The following GRIA1 variants were observed in gnomAD, a reference collection of about 807,000 sequenced individuals.
GRIA1 encodes the protein glutamate ionotropic receptor AMPA type subunit 1.
A neutral mutation model predicts 99.2 loss-of-function variants in GRIA1; 31 were observed. That is an observed-to-expected ratio of 0.31 (90% confidence interval 0.23 to 0.42). The LOEUF (loss-of-function observed/expected upper bound fraction) is 0.42. GRIA1 is among the 10% of genes least tolerant of loss of function. GRIA1 has a pLI of 1.00. For missense variants in GRIA1, 782 were observed against 1,157.5 expected, an observed-to-expected ratio of 0.68 and a Z score of 4.71; for synonymous variants, 438 against 432.4, an observed-to-expected ratio of 1.01 and a Z score of -0.16.
intron 11 of GRIA1, among the ~76,000 whole-genome samples, chr5:153,713,848 T>G (rs1050022487): frequency 6.6e-6 from 1 of 152,222 alleles, no homozygotes; most frequent in Non-Finnish European, 1.5e-5. Flanking sequence ...ATTCATTTAT[T>G]TATTCATTAA....
chr5:153,605,490 G>C (rs949903625), intron 2 of GRIA1, among the ~76,000 whole-genome samples: 6 of 152,146 alleles, frequency 3.9e-5, no homozygotes, highest in Non-Finnish European at 7.3e-5. Context: ...GTGCACATGT[G>C]CACATATTTT....
intron 2 of GRIA1, among the ~76,000 whole-genome samples, chr5:153,610,553 A>G (rs1481754700): frequency 1.3e-5 from 2 of 152,208 alleles, no homozygotes; most frequent in Admixed American, 1.3e-4. Flanking sequence ...TAGCTACTCT[A>G]TGCAAAATAA....
At chr5:153,620,480 G>A (rs915781425) in intron 2 of GRIA1, among the ~76,000 whole-genome samples, 4 of 152,202 alleles carry the variant, frequency 2.6e-5, no homozygotes, top group South Asian at 4.1e-4. Context: ...AGTTGGAAGC[G>A]GTGGGGAAAT....
chr5:153,653,763 T>C (rs990112491), intron 4 of GRIA1, among the ~76,000 whole-genome samples: 1 of 152,212 alleles, frequency 6.6e-6, no homozygotes, highest in Non-Finnish European at 1.5e-5. Context: ...CTCAATGCTG[T>C]TTCCCCAGCA....
At chr5:153,557,461 A>G (rs1760750045) in intron 2 of GRIA1, among the ~76,000 whole-genome samples, 1 of 152,156 alleles carries the variant, frequency 6.6e-6, no homozygotes, top group Admixed American at 6.6e-5. Flanking sequence ...AACTTGGCTT[A>G]CTGTAATTTT....
chr5:153,805,763 C>T (rs1224264260), intron 15 of GRIA1, among the ~76,000 whole-genome samples: 1 of 152,196 alleles, frequency 6.6e-6, no homozygotes, highest in East Asian at 1.9e-4. Context: ...TGAGTCATGG[C>T]ATAGCTTCTT....
chr5:153,754,815 G>A (rs1342445657), intron 11 of GRIA1, among the ~76,000 whole-genome samples: 1 of 152,184 alleles, frequency 6.6e-6, no homozygotes, highest in Non-Finnish European at 1.5e-5. Context: ...CTGAGCACTG[G>A]AGATACAATG....
Position 153,698,044 on chromosome 5 carries a change from A to G in GRIA1, c.1135A>G (p.Ile379Val), listed in dbSNP as rs751072700. 2 of 1,572,852 alleles carry G rather than the reference A, an allele frequency of 1.3e-6. No individual in the cohort carries two copies. The highest frequency in any genetic ancestry group is 2.2e-5 in the East Asian group (1 of 44,598). Residue 379 changes from isoleucine to valine, a missense_variant and splice_region_variant, in exon 9 of 16, where the codon ATT becomes GTT. Around this residue, in one of 5 missense-constraint regions of GRIA1, gnomAD observed 461 missense variants for 521.7 expected, o/e 0.88. Transcript: ENST00000285900. ...ACCTCCACTCTCTTCTCATTAACAG[A>G]TTGGTTACTGGAATGAAGATGATAA... ...IEMKHDGIRKIGYWNEDDKFV... is the reference protein window; with the variant it reads ...IEMKHDGIRKVGYWNEDDKFV...
chr5:153,700,110 C>A (rs971495146), intron 10 of GRIA1, among the ~76,000 whole-genome samples: 6 of 152,208 alleles, frequency 3.9e-5, no homozygotes, highest in African/African-American at 1.4e-4. Context: ...AGAGGCCGGG[C>A]ACAGTGGCTC....
At chr5:153,665,057 G>A (rs1755645956) in intron 5 of GRIA1, among the ~76,000 whole-genome samples, 1 of 152,194 alleles carries the variant, frequency 6.6e-6, no homozygotes, top group African/African-American at 2.4e-5. Context: ...CCTTGGCCAG[G>A]TGTCATTCCT....
rs915380476 is a variant in GRIA1 at position 153,741,022 on chromosome 5, G to A, written c.1824-23412G>A. Among the ~76,000 whole-genome samples the A allele has an allele frequency of 3.0e-5, 4 of 133,218 alleles. No homozygotes were observed. In the East Asian group the frequency reaches 9.2e-4, roughly 31 times the overall value. 87.4% of individuals were successfully genotyped at this position (133,218 alleles called of 152,430 possible). A position where few individuals can be genotyped will look rare whatever the true frequency, so the allele number is the denominator to read the frequency against. On this transcript the variant is annotated intron_variant, in intron 11 of 15. Coordinates refer to ENST00000285900, the MANE Select transcript of GRIA1 (RefSeq NM_000827.4). Reference sequence around the variant, plus strand: ...GATGGAGTCTCACTCTGTCGCCCAGGCTGGAGTGCAGTGGCACAATCTCTT... The same window carrying A: ...GATGGAGTCTCACTCTGTCGCCCAGACTGGAGTGCAGTGGCACAATCTCTT...
At chr5:153,576,634 T>A (rs1437225953) in intron 2 of GRIA1, among the ~76,000 whole-genome samples, 1 of 152,186 alleles carries the variant, frequency 6.6e-6, no homozygotes, top group Non-Finnish European at 1.5e-5. Context: ...AAAATATATA[T>A]ATTGTTAAAA....
chr5:153,500,227 A>G (rs1001815176), intron 2 of GRIA1, among the ~76,000 whole-genome samples: 1 of 152,196 alleles, frequency 6.6e-6, no homozygotes, highest in Non-Finnish European at 1.5e-5. Context: ...ACTCAGGATA[A>G]AGTGATCATA....
chr5:153,568,539 G>T (rs937211939), intron 2 of GRIA1, among the ~76,000 whole-genome samples: 1 of 151,984 alleles, frequency 6.6e-6, no homozygotes. Flanking sequence ...ACTAATGATG[G>T]TGTCATCATT....
intron 2 of GRIA1, among the ~76,000 whole-genome samples, chr5:153,577,830 A>G (rs1762694391): frequency 6.6e-6 from 1 of 152,154 alleles, no homozygotes. Context: ...AAATTAAATA[A>G]ATCAACTGAA....
At chr5:153,706,258 C>A (rs1296510972) in intron 11 of GRIA1, 191 bp downstream of exon 11, 12 of 613,532 alleles carry the variant, frequency 2.0e-5, no homozygotes, top group Non-Finnish European at 3.4e-5. Flanking sequence ...TGTAGCTGGG[C>A]CATCTCTGTC....
chr5:153,545,740 G>A (rs1471836085), intron 2 of GRIA1, among the ~76,000 whole-genome samples: 1 of 152,170 alleles, frequency 6.6e-6, no homozygotes, highest in Non-Finnish European at 1.5e-5. Flanking sequence ...GGAGAGTGAA[G>A]GCAGCAACTG....
chr5:153,611,860 G>C (rs758321849), intron 2 of GRIA1, among the ~76,000 whole-genome samples: 1 of 152,202 alleles, frequency 6.6e-6, no homozygotes, highest in East Asian at 1.9e-4. Flanking sequence ...TATGTTTTCC[G>C]CCTGGCCTTG....
intron 2 of GRIA1, among the ~76,000 whole-genome samples, chr5:153,539,107 C>A (rs1468141064): frequency 6.6e-6 from 1 of 152,142 alleles, no homozygotes; most frequent in Non-Finnish European, 1.5e-5. Context: ...TAAACACAAC[C>A]CTTCTCCTAT....
Sources: gnomAD v4.1 joint callset for allele counts (sites outside exome capture counted in the v4.1 genomes callset) on GRCh38, gnomAD v4.1.1 for gene constraint, gnomAD v4.1.1 regional missense constraint, MANE v1.5 for transcripts, NCBI Gene and HGNC (gene_info 2026-07-23, HGNC 2026-07-21) for gene names.